SLC35F1: variants seen among roughly 807,000 people sequenced by gnomAD.
The protein encoded by SLC35F1 is chromosome 6 open reading frame 169.
SLC35F1 carries 14 observed loss-of-function variants against 48.7 expected under a neutral mutation model. The observed-to-expected ratio is 0.29, with a 90% CI of 0.19 to 0.45. The LOEUF is 0.45. Among genes scored for constraint, SLC35F1 ranks in the 20% least tolerant of loss-of-function variants. SLC35F1 has a pLI of 1.00. For missense variants in SLC35F1, 404 were observed against 500.0 expected (o/e 0.81, Z 1.83); for synonymous variants, 190 against 202.2 (o/e 0.94, Z 0.51).
intron 1 of SLC35F1, among the ~76,000 whole-genome samples, chr6:117,994,801 C>G (rs1325941351): frequency 2.0e-5 from 3 of 152,088 alleles, no homozygotes; most frequent in African/African-American, 7.2e-5. Flanking sequence ...CCCCAAAAAG[C>G]TATGACAGAT....
intron 1 of SLC35F1, among the ~76,000 whole-genome samples, chr6:118,134,784 T>C (rs1489049281): frequency 2.0e-5 from 3 of 152,092 alleles, no homozygotes; most frequent in African/African-American, 7.2e-5. Flanking sequence ...GGCTCAGAAG[T>C]GACTTGTGCC....
chr6:118,024,438 C>T (rs573899013), intron 1 of SLC35F1, among the ~76,000 whole-genome samples: 1 of 152,164 alleles, frequency 6.6e-6, no homozygotes, highest in East Asian at 1.9e-4. Context: ...TTCTTTGCAA[C>T]TTCTTTTGGA....
intron 3 of SLC35F1, among the ~76,000 whole-genome samples, chr6:118,257,811 C>T (rs756022330): frequency 9.9e-5 from 15 of 152,142 alleles, no homozygotes; most frequent in Middle Eastern, 3.2e-3. Flanking sequence ...AAAGAACAAG[C>T]ATTGCCGAGT....
At chr6:118,281,198 C>A (rs449173) in intron 6 of SLC35F1, among the ~76,000 whole-genome samples, 3,007 of 121,784 alleles carry the variant, frequency 0.025, 29 homozygotes, top group Middle Eastern at 0.045. Context: ...CTCTCTCTCT[C>A]TCTCTCTATA....
chr6:118,013,638 G>A (rs1031952433), intron 1 of SLC35F1, among the ~76,000 whole-genome samples: 5 of 152,190 alleles, frequency 3.3e-5, no homozygotes, highest in Admixed American at 6.5e-5. Context: ...TAGCATAGCC[G>A]ATTGAAATGG....
intron 1 of SLC35F1, among the ~76,000 whole-genome samples, chr6:118,100,207 C>A (rs993468904): frequency 6.6e-6 from 1 of 152,148 alleles, no homozygotes; most frequent in African/African-American, 2.4e-5. Flanking sequence ...TGCTTTTAAC[C>A]ACCATGCCAT....
At chr6:118,063,821 A>G (rs1458475504) in intron 1 of SLC35F1, among the ~76,000 whole-genome samples, 1 of 152,198 alleles carries the variant, frequency 6.6e-6, no homozygotes, top group African/African-American at 2.4e-5. Context: ...AAACTCAAGT[A>G]ATTTTGGAAT....
chr6:118,125,751 C>G (rs1773615429), intron 1 of SLC35F1, among the ~76,000 whole-genome samples: 1 of 152,110 alleles, frequency 6.6e-6, no homozygotes, highest in Admixed American at 6.5e-5. Context: ...ACGTAGCAAG[C>G]CAAGCCAGAT....
chr6:117,923,620 T>TAC (rs1554216667), intron 1 of SLC35F1, among the ~76,000 whole-genome samples: 2,408 of 27,190 alleles, frequency 0.089, 612 homozygotes, highest in Admixed American at 0.23. Flanking sequence ...TATACATATG[T>TAC]ATATATACAT....
intron 2 of SLC35F1, among the ~76,000 whole-genome samples, chr6:118,224,273 A>G (rs1004156063): frequency 6.6e-6 from 1 of 152,204 alleles, no homozygotes; most frequent in Non-Finnish European, 1.5e-5. Context: ...TGTAGGTGAT[A>G]TCTTCATGAT....
chr6:118,085,888 A>G (rs1179380140), intron 1 of SLC35F1, among the ~76,000 whole-genome samples: 2 of 152,098 alleles, frequency 1.3e-5, no homozygotes, highest in African/African-American at 4.8e-5. Context: ...TTACAGTTCT[A>G]TGTATTTTTT....
At chr6:117,922,417 A>G (rs549441301) in intron 1 of SLC35F1, among the ~76,000 whole-genome samples, 1 of 152,232 alleles carries the variant, frequency 6.6e-6, no homozygotes, top group Non-Finnish European at 1.5e-5. Context: ...TATCATTTGC[A>G]TGTTACTTTA....
chr6:117,992,994 T>C (rs1776939649), intron 1 of SLC35F1, among the ~76,000 whole-genome samples: 1 of 152,240 alleles, frequency 6.6e-6, no homozygotes, highest in Non-Finnish European at 1.5e-5. Context: ...CATCTGCACA[T>C]AATGCAACCA....
intron 7 of SLC35F1, among the ~76,000 whole-genome samples, chr6:118,291,277 A>T (rs1456643967): frequency 6.7e-6 from 1 of 149,982 alleles, no homozygotes; most frequent in African/African-American, 2.5e-5. Flanking sequence ...ACACACACAC[A>T]CACACACATA....
At chr6:117,980,689 A>G (rs569269800) in intron 1 of SLC35F1, among the ~76,000 whole-genome samples, 1 of 152,358 alleles carries the variant, frequency 6.6e-6, no homozygotes, top group African/African-American at 2.4e-5. Flanking sequence ...AGTACACTGT[A>G]GTAAAGACTA....
chr6:118,028,241 T>G (rs529919496), intron 1 of SLC35F1, among the ~76,000 whole-genome samples: 1 of 152,268 alleles, frequency 6.6e-6, no homozygotes, highest in East Asian at 1.9e-4. Flanking sequence ...TAAGTTTCTC[T>G]GTTTCCGCTT....
intron 1 of SLC35F1, among the ~76,000 whole-genome samples, chr6:118,061,913 C>A (rs892732135): frequency 1.3e-5 from 2 of 152,134 alleles, no homozygotes; most frequent in Non-Finnish European, 2.9e-5. Flanking sequence ...GAAAAGCTCA[C>A]TTGCCTGCCG....
chr6:118,248,366 AG>A (rs2114600011), intron 3 of SLC35F1, among the ~76,000 whole-genome samples: 1 of 152,328 alleles, frequency 6.6e-6, no homozygotes, highest in African/African-American at 2.4e-5. Flanking sequence ...ATAGCAAAAA[AG>A]ACTCTGTGGA....
At chr6:118,166,912 T>C (rs554416234) in intron 2 of SLC35F1, among the ~76,000 whole-genome samples, 2 of 152,310 alleles carry the variant, frequency 1.3e-5, no homozygotes, top group South Asian at 2.1e-4. Flanking sequence ...TTTTATACTT[T>C]TAGTTCTGCC....
Sources: gnomAD v4.1 joint callset for allele counts (sites outside exome capture counted in the v4.1 genomes callset) on GRCh38, gnomAD v4.1.1 for gene constraint, MANE v1.5 for transcripts, NCBI Gene and HGNC (gene_info 2026-07-23, HGNC 2026-07-21) for gene names.